The following RASGRF2 variants were observed in gnomAD, a reference collection of about 807,000 sequenced individuals.
RASGRF2 encodes the protein ras-specific guanine nucleotide-releasing factor 2.
Under a neutral mutation model 151.0 loss-of-function variants are expected in RASGRF2, and 76 were observed. The observed-to-expected ratio is 0.50, with a 90% confidence interval of 0.42 to 0.61. The LOEUF (loss-of-function observed/expected upper bound fraction) is 0.61, where lower values mean the gene tolerates loss of function less well. Among genes scored for constraint, RASGRF2 ranks in the 20% least tolerant of loss-of-function variants. The pLI is 0.00. For synonymous variants in RASGRF2, 504 were observed against 566.5 expected (o/e 0.89, Z 1.57); for missense variants, 1,148 against 1,564.6 (o/e 0.73, Z 4.49).
chr5:81,111,201 G>A (rs1309707244), intron 13 of RASGRF2, among the ~76,000 whole-genome samples: 1 of 152,198 alleles, frequency 6.6e-6, no homozygotes, highest in Non-Finnish European at 1.5e-5. Context: ...GAACGTCACT[G>A]ACCCTACCCT....
At chr5:81,160,824 T>C (rs1754367527) in intron 17 of RASGRF2, among the ~76,000 whole-genome samples, 1 of 149,200 alleles carries the variant, frequency 6.7e-6, no homozygotes, top group Non-Finnish European at 1.5e-5. Flanking sequence ...TGAACTATGA[T>C]CACATCCCTG....
chr5:81,073,148 T>G (rs1356908595), intron 4 of RASGRF2, 51 bp from the exon 5 acceptor site: 1 of 1,543,832 alleles, frequency 6.5e-7, no homozygotes, highest in Non-Finnish European at 8.8e-7. Context: ...TTTCCATAAA[T>G]AAATCACCAT....
chr5:81,213,928 C>T (rs1377344376), intron 23 of RASGRF2, among the ~76,000 whole-genome samples: 2 of 152,176 alleles, frequency 1.3e-5, no homozygotes, highest in African/African-American at 4.8e-5. Context: ...TAAGAAATAA[C>T]GCGGGGATTC....
chr5:81,207,777 C>G (rs7712754), intron 21 of RASGRF2, among the ~76,000 whole-genome samples: 53,530 of 152,118 alleles, frequency 0.35, 9,722 homozygotes, highest in Admixed American at 0.48. Context: ...CTGGTCAGGG[C>G]AACATGCGGT....
At chr5:81,087,449 C>A in intron 9 of RASGRF2, 2 of 641,660 alleles carry the variant, frequency 3.1e-6, no homozygotes, top group South Asian at 1.7e-5. Context: ...TGGTAACTCC[C>A]GTTGCCAGAT....
chr5:80,975,795 T>C (rs1435110210), intron 1 of RASGRF2, among the ~76,000 whole-genome samples: 1 of 152,142 alleles, frequency 6.6e-6, no homozygotes, highest in Non-Finnish European at 1.5e-5. Flanking sequence ...ATACCTGATA[T>C]CTGTCTGTTG....
Position 81,070,221 on chromosome 5 carries a change from T to G in RASGRF2, c.544-271T>G, listed in dbSNP as rs2112457013. On this transcript the variant is annotated intron_variant, in intron 3 of 26. Transcript: ENST00000265080. Reference sequence around the variant, plus strand: ...TCTTGGCGGGCTCACCACTGGCAGCTGGGGCTGAGTTTTGGGCCAACATTT... The same window carrying G: ...TCTTGGCGGGCTCACCACTGGCAGCGGGGGCTGAGTTTTGGGCCAACATTT... 3 of 364,006 alleles carry G rather than the reference T, an allele frequency of 8.2e-6. No individual in the cohort carries two copies. In the East Asian group the frequency reaches 1.7e-4, roughly 20 times the overall value. The allele number at this position is 364,006 out of a possible 1,614,324, so 22.5% of individuals were successfully genotyped here. A position where few individuals can be genotyped will look rare whatever the true frequency, so the allele number is the denominator to read the frequency against.
rs58105434 is a variant in RASGRF2, at chr5:81,008,139, CTTTTTTTTTTT to C, written c.289-34719_289-34709del. Among the ~76,000 whole-genome samples, 841 of 85,428 alleles carry C rather than the reference CTTTTTTTTTTT, an allele frequency of 9.8e-3. 5 individuals carry two copies. Among genetic ancestry groups the C allele is most frequent in the Middle Eastern group, 0.045 (5 of 112 alleles). The allele number at this position is 85,428 out of a possible 152,430, so 56.0% of individuals were successfully genotyped here. ...AGTTTTCTTTTTCTTTCTTTCTTTC[CTTTTTTTTTTT>C]TTTTTTTTTTTTTTTTTTGAGACAG... On this transcript the variant is annotated intron_variant, in intron 1 of 26. Coordinates refer to ENST00000265080, the MANE Select transcript of RASGRF2 (RefSeq NM_006909.3).
At chr5:80,970,853 C>T (rs1471357205) in intron 1 of RASGRF2, among the ~76,000 whole-genome samples, 1 of 152,132 alleles carries the variant, frequency 6.6e-6, no homozygotes, top group African/African-American at 2.4e-5. Flanking sequence ...ATTACTTTTA[C>T]CAAACCAATG....
intron 1 of RASGRF2, among the ~76,000 whole-genome samples, chr5:81,028,031 G>A (rs184829472): frequency 3.3e-5 from 5 of 152,262 alleles, no homozygotes; most frequent in African/African-American, 1.2e-4. Context: ...TCACCATGGA[G>A]TGGGGGTGGG....
intron 1 of RASGRF2, among the ~76,000 whole-genome samples, chr5:81,026,387 A>T (rs1750033492): frequency 1.3e-5 from 2 of 151,796 alleles, no homozygotes; most frequent in Admixed American, 6.6e-5. Context: ...TCCCCCAAGG[A>T]GCCTTTTTGC....
chr5:81,201,279 G>A, intron 18 of RASGRF2, 51 bp from the exon 19 acceptor site: 1 of 1,580,778 alleles, frequency 6.3e-7, no homozygotes, highest in Non-Finnish European at 8.6e-7. Flanking sequence ...ATGTGTCATA[G>A]AGCTAACCCT....
chr5:81,111,824 G>T (rs1753003211), intron 13 of RASGRF2, among the ~76,000 whole-genome samples: 1 of 152,114 alleles, frequency 6.6e-6, no homozygotes, highest in Non-Finnish European at 1.5e-5. Flanking sequence ...AAATAAAAGG[G>T]GAGGGGTGAG....
At chr5:81,154,984 G>A (rs1375752220) in intron 17 of RASGRF2, among the ~76,000 whole-genome samples, 1 of 151,944 alleles carries the variant, frequency 6.6e-6, no homozygotes, top group East Asian at 1.9e-4. Context: ...TTCTAACTGG[G>A]GTGAGGTGAT....
chr5:81,151,684 G>C (rs190552526), intron 17 of RASGRF2, among the ~76,000 whole-genome samples: 32 of 152,218 alleles, frequency 2.1e-4, no homozygotes, highest in African/African-American at 6.7e-4. Context: ...AGAGTTCTTT[G>C]AGACTTCCTC....
chr5:80,977,694 T>C (rs1373410527), intron 1 of RASGRF2, among the ~76,000 whole-genome samples: 13 of 152,194 alleles, frequency 8.5e-5, no homozygotes, highest in African/African-American at 3.1e-4. Context: ...TGACCTCAGG[T>C]GATCCGCCTG....
In RASGRF2 at chr5:81,008,139, C is replaced by CTTTTTT. The variant is rs58105434; in HGVS notation, c.289-34714_289-34709dup. Among the ~76,000 whole-genome samples the CTTTTTT allele has an allele frequency of 5.6e-3, 480 of 85,390 alleles. 51 individuals are homozygous for CTTTTTT. The highest frequency in any genetic ancestry group is 9.1e-3 in the African/African-American group (196 of 21,494). The allele number at this position is 85,390 out of a possible 152,430, so 56.0% of individuals were successfully genotyped here. On this transcript the variant is annotated intron_variant, in intron 1 of 26. Transcript: ENST00000265080. ...AGTTTTCTTTTTCTTTCTTTCTTTC[C>CTTTTTT]TTTTTTTTTTTTTTTTTTTTTTTTT...
intron 5 of RASGRF2, among the ~76,000 whole-genome samples, chr5:81,075,769 G>T (rs189662634): frequency 6.6e-6 from 1 of 152,340 alleles, no homozygotes; most frequent in Non-Finnish European, 1.5e-5. Context: ...AGTGACTAGG[G>T]ATCAGATATT....
chr5:81,093,187 C>A (rs1366850449), intron 10 of RASGRF2, among the ~76,000 whole-genome samples: 1 of 152,116 alleles, frequency 6.6e-6, no homozygotes, highest in Non-Finnish European at 1.5e-5. Context: ...TAAAGAAATA[C>A]AATTAAAATC....
Sources: gnomAD v4.1 joint callset for allele counts (sites outside exome capture counted in the v4.1 genomes callset) on GRCh38, gnomAD v4.1.1 for gene constraint, MANE v1.5 for transcripts, NCBI Gene and HGNC (gene_info 2026-07-23, HGNC 2026-07-21) for gene names.